NAV3: variants seen among roughly 807,000 people sequenced by gnomAD.
NAV3 encodes the protein pore membrane and/or filament interacting like protein 1.
Under a neutral mutation model 244.7 loss-of-function variants are expected in NAV3, and 87 were observed. The observed-to-expected ratio is 0.36, with a 90% CI of 0.30 to 0.42. The LOEUF (loss-of-function observed/expected upper bound fraction) is 0.42. Among genes scored for constraint, NAV3 ranks in the 20% least tolerant of loss-of-function variants. NAV3 has a pLI of 1.00. For missense variants in NAV3, 2,663 were observed against 2,893.3 expected (o/e 0.92, Z 1.83); for synonymous variants, 1,126 against 1,042.2 (o/e 1.08, Z -1.55).
At chr12:77,929,415 C>A (rs1172736418) in intron 1 of NAV3, among the ~76,000 whole-genome samples, 1 of 152,102 alleles carries the variant, frequency 6.6e-6, no homozygotes, top group African/African-American at 2.4e-5. Flanking sequence ...ATAAGCCAGT[C>A]TTTATTGAGT....
intron 1 of NAV3, among the ~76,000 whole-genome samples, chr12:77,930,781 T>G (rs1274254859): frequency 1.3e-5 from 2 of 152,230 alleles, no homozygotes; most frequent in Non-Finnish European, 2.9e-5. Context: ...TATATCCTTA[T>G]TTTATTATCC....
At chr12:78,197,548 G>A (rs938219870) in intron 35 of NAV3, 147 bp downstream of exon 35, 2 of 541,484 alleles carry the variant, frequency 3.7e-6, no homozygotes, top group East Asian at 6.3e-5. Context: ...TATTGATTGT[G>A]TACACCATGA....
intron 2 of NAV3, among the ~76,000 whole-genome samples, chr12:77,626,094 G>T (rs906411476): frequency 2.6e-5 from 4 of 152,028 alleles, no homozygotes; most frequent in African/African-American, 7.2e-5. Flanking sequence ...CAAAGAGATA[G>T]ATATCATAAA....
intron 2 of NAV3, among the ~76,000 whole-genome samples, chr12:77,710,777 T>A (rs946720257): frequency 1.3e-5 from 2 of 152,216 alleles, no homozygotes; most frequent in Non-Finnish European, 2.9e-5. Flanking sequence ...CACTTTATAT[T>A]ATTTGTATTT....
chr12:77,732,899 A>G (rs552800790), intron 2 of NAV3, among the ~76,000 whole-genome samples: 1 of 152,188 alleles, frequency 6.6e-6, no homozygotes, highest in East Asian at 1.9e-4. Context: ...TAGATGTATG[A>G]TGCACATTTA....
chr12:77,697,112 CCTGGA>C (rs1417593754), intron 2 of NAV3, among the ~76,000 whole-genome samples: 2 of 152,138 alleles, frequency 1.3e-5, no homozygotes, highest in African/African-American at 4.8e-5. Context: ...TGTAAATTCT[CCTGGA>C]CTGGAGGAGC....
At chr12:78,011,584 G>A (rs1006604646) in intron 8 of NAV3, among the ~76,000 whole-genome samples, 2 of 152,062 alleles carry the variant, frequency 1.3e-5, no homozygotes, top group Admixed American at 6.6e-5. Context: ...GCTATCATCC[G>A]AATTTGATAT....
intron 1 of NAV3, among the ~76,000 whole-genome samples, chr12:77,857,007 T>G (rs1878491381): frequency 6.6e-6 from 1 of 152,166 alleles, no homozygotes; most frequent in African/African-American, 2.4e-5. Flanking sequence ...TGAATAAATC[T>G]GTTACTTTTA....
intron 1 of NAV3, among the ~76,000 whole-genome samples, chr12:77,907,536 G>A (rs1886119497): frequency 6.6e-6 from 1 of 152,004 alleles, no homozygotes; most frequent in Non-Finnish European, 1.5e-5. Context: ...CACATGAATG[G>A]AAAAATGCAT....
At chr12:77,590,647 T>C (rs768552949) in intron 2 of NAV3, among the ~76,000 whole-genome samples, 12 of 152,216 alleles carry the variant, frequency 7.9e-5, no homozygotes, top group Non-Finnish European at 1.5e-4. Context: ...CCTGCACTTG[T>C]ACCTCTAAAC....
chr12:77,581,733 C>T (rs1432924041), intron 2 of NAV3, among the ~76,000 whole-genome samples: 1 of 152,050 alleles, frequency 6.6e-6, no homozygotes, highest in African/African-American at 2.4e-5. Context: ...TGGATTTTAA[C>T]ATAATATTTT....
intron 2 of NAV3, among the ~76,000 whole-genome samples, chr12:77,577,083 T>C (rs1272273228): frequency 6.6e-6 from 1 of 152,148 alleles, no homozygotes; most frequent in Non-Finnish European, 1.5e-5. Context: ...AATGTTACTA[T>C]ATAAATCTGG....
intron 2 of NAV3, among the ~76,000 whole-genome samples, chr12:77,769,930 G>C (rs1869989613): frequency 6.6e-6 from 1 of 152,106 alleles, no homozygotes; most frequent in South Asian, 2.1e-4. Flanking sequence ...AGGTAACTAG[G>C]ATATTTTTTT....
chr12:77,904,542 T>G (rs1885737055), intron 1 of NAV3, among the ~76,000 whole-genome samples: 1 of 152,126 alleles, frequency 6.6e-6, no homozygotes. Flanking sequence ...TACCTAATGC[T>G]AAATGACGAG....
rs553472825 is a variant in NAV3 at position 77,940,940 on chromosome 12, A to G, written c.362-141A>G. On this transcript the variant is annotated intron_variant, in intron 2 of 39. Transcript: ENST00000397909. ...TGCTAATAAGTGTGTCTTCTTGTAC[A>G]CTGCTTGGAAGACAGAATATATGTA... 1.6e-3 allele frequency: 954 copies of G among 593,402 alleles called. 1 individual carries two copies. Among genetic ancestry groups the G allele is most frequent in the Non-Finnish European group, 2.5e-3 (846 of 339,470 alleles). The allele number at this position is 593,402 out of a possible 1,614,324, so 36.8% of individuals were successfully genotyped here.
chr12:77,613,971 G>A (rs1006402256), intron 2 of NAV3, among the ~76,000 whole-genome samples: 11 of 151,308 alleles, frequency 7.3e-5, no homozygotes, highest in Middle Eastern at 3.5e-3. Flanking sequence ...GTATGATTAC[G>A]TAAAAGTGGG....
intron 22 of NAV3, among the ~76,000 whole-genome samples, chr12:78,154,896 C>G (rs2139332784): frequency 6.6e-6 from 1 of 152,008 alleles, no homozygotes. Flanking sequence ...AAAAATTTTC[C>G]CTTATTTGCC....
At chr12:78,000,291 A>G (rs1177164105) in intron 7 of NAV3, among the ~76,000 whole-genome samples, 1 of 152,064 alleles carries the variant, frequency 6.6e-6, no homozygotes, top group Non-Finnish European at 1.5e-5. Context: ...ACATTTTCTT[A>G]GACAAGAGTT....
chr12:77,944,087 A>G (rs757146443), intron 3 of NAV3, among the ~76,000 whole-genome samples: 6 of 152,168 alleles, frequency 3.9e-5, no homozygotes, highest in African/African-American at 1.2e-4. Context: ...CAACAGTTAC[A>G]TAGGCGAGAA....
Sources: gnomAD v4.1 joint callset for allele counts (sites outside exome capture counted in the v4.1 genomes callset) on GRCh38, gnomAD v4.1.1 for gene constraint, MANE v1.5 for transcripts, NCBI Gene and HGNC (gene_info 2026-07-23, HGNC 2026-07-21) for gene names.